PCDH9: variants seen among roughly 807,000 people sequenced by gnomAD.
PCDH9 encodes the protein protocadherin 9.
A neutral mutation model predicts 70.6 loss-of-function variants in PCDH9; 24 were observed. The observed-to-expected ratio is 0.34, with a 90% CI of 0.25 to 0.48. PCDH9 has a LOEUF of 0.48. Ranked by LOEUF, PCDH9 falls within the 20% of genes least tolerant of loss-of-function variation. PCDH9 has a pLI of 0.99. For synonymous variants in PCDH9, 562 were observed against 558.5 expected (o/e 1.01, Z -0.09); for missense variants, 1,281 against 1,503.6 (o/e 0.85, Z 2.45).
intron 3 of PCDH9, among the ~76,000 whole-genome samples, chr13:66,677,968 C>T (rs1291643708): frequency 6.6e-6 from 1 of 152,098 alleles, no homozygotes; most frequent in African/African-American, 2.4e-5. Flanking sequence ...CACATAACTG[C>T]TTGTTATAAA....
At chr13:66,799,999 G>C (rs1477476047) in intron 3 of PCDH9, among the ~76,000 whole-genome samples, 6 of 152,130 alleles carry the variant, frequency 3.9e-5, no homozygotes, top group Admixed American at 2.6e-4. Context: ...TGCTGCCTCA[G>C]AGTATGTTTT....
At chr13:67,088,468 A>G (rs2086153649) in intron 2 of PCDH9, among the ~76,000 whole-genome samples, 2 of 152,064 alleles carry the variant, frequency 1.3e-5, no homozygotes, top group Admixed American at 6.6e-5. Context: ...GATTCTTCCT[A>G]GAAGGTTAAT....
chr13:66,503,466 C>T (rs1343883499), intron 4 of PCDH9, among the ~76,000 whole-genome samples: 1 of 152,162 alleles, frequency 6.6e-6, no homozygotes, highest in African/African-American at 2.4e-5. Context: ...AATAATACTA[C>T]ACAAATACTA....
intron 2 of PCDH9, among the ~76,000 whole-genome samples, chr13:67,157,565 C>T (rs1185301220): frequency 1.3e-5 from 2 of 152,116 alleles, no homozygotes; most frequent in Non-Finnish European, 2.9e-5. Flanking sequence ...ACTGTACTGA[C>T]TCTCACACCC....
intron 3 of PCDH9, among the ~76,000 whole-genome samples, chr13:66,753,083 T>G (rs552423305): frequency 6.6e-6 from 1 of 152,322 alleles, no homozygotes; most frequent in African/African-American, 2.4e-5. Flanking sequence ...ATTTGTAGGT[T>G]TAGTTAGGTA....
chr13:66,641,398 T>A (rs566002080), intron 3 of PCDH9, among the ~76,000 whole-genome samples: 15 of 152,172 alleles, frequency 9.9e-5, no homozygotes, highest in Non-Finnish European at 1.9e-4. Context: ...GGAGGATTAA[T>A]TTGTATGGAG....
At chr13:66,654,866 G>A (rs1255975040) in intron 3 of PCDH9, among the ~76,000 whole-genome samples, 2 of 108,332 alleles carry the variant, frequency 1.8e-5, no homozygotes, top group African/African-American at 6.9e-5. Flanking sequence ...ATGCCACAAT[G>A]CTCAGGTAAT....
At chr13:66,579,744 G>A (rs2076864228) in intron 4 of PCDH9, among the ~76,000 whole-genome samples, 1 of 152,002 alleles carries the variant, frequency 6.6e-6, no homozygotes, top group Non-Finnish European at 1.5e-5. Flanking sequence ...CACACAGTAG[G>A]CTCTTAAATA....
chr13:66,649,450 T>C (rs2138986310), intron 3 of PCDH9, among the ~76,000 whole-genome samples: 1 of 151,944 alleles, frequency 6.6e-6, no homozygotes, highest in East Asian at 1.9e-4. Flanking sequence ...CCTAGAACAG[T>C]ATATCAAACA....
intron 4 of PCDH9, among the ~76,000 whole-genome samples, chr13:66,540,603 C>A (rs1457952046): frequency 6.6e-6 from 1 of 152,074 alleles, no homozygotes; most frequent in African/African-American, 2.4e-5. Context: ...TCAGAAAATG[C>A]CTTGAGAACT....
intron 2 of PCDH9, among the ~76,000 whole-genome samples, chr13:67,119,623 A>G (rs1051738868): frequency 7.2e-5 from 11 of 152,162 alleles, no homozygotes; most frequent in African/African-American, 2.4e-4. Flanking sequence ...GGAAAATGAC[A>G]TAAATTTGTT....
At chr13:66,473,786 G>T (rs1460673491) in intron 4 of PCDH9, among the ~76,000 whole-genome samples, 3 of 152,104 alleles carry the variant, frequency 2.0e-5, no homozygotes, top group African/African-American at 7.2e-5. Context: ...GACTAGTAAA[G>T]CTTCTTTCAT....
intron 2 of PCDH9, among the ~76,000 whole-genome samples, chr13:67,083,025 A>C (rs2086017531): frequency 6.6e-6 from 1 of 152,162 alleles, no homozygotes. Context: ...TTAGATTATG[A>C]AGCTAAAATA....
Position 67,150,359 on chromosome 13 carries a change from A to ACT in PCDH9, c.3036+75045_3036+75046insAG. Among the ~76,000 whole-genome samples the ACT allele has an allele frequency of 2.0e-5, 3 of 152,296 alleles. 1 individual carries two copies. In the South Asian group the frequency reaches 6.2e-4, roughly 32 times the overall value. On this transcript the variant is annotated intron_variant, in intron 2 of 4. Transcript: ENST00000377865. Reference sequence around the variant, plus strand: ...GCCCATAATTTGAGTTTTAATCAATACAAAAAGCCCAAAGTGTTGGTTTCC... The same window carrying ACT: ...GCCCATAATTTGAGTTTTAATCAATACTCAAAAAGCCCAAAGTGTTGGTTTCC...
intron 3 of PCDH9, among the ~76,000 whole-genome samples, chr13:66,659,894 GT>G (rs2077986019): frequency 6.6e-6 from 1 of 152,148 alleles, no homozygotes; most frequent in Non-Finnish European, 1.5e-5. Flanking sequence ...TAACAGCAGA[GT>G]CAAGGATGAC....
At chr13:66,372,172 T>C (rs1158646) in intron 4 of PCDH9, among the ~76,000 whole-genome samples, 64,673 of 151,532 alleles carry the variant, frequency 0.43, 15,687 homozygotes, top group East Asian at 0.62. Context: ...TGCCCTCAAG[T>C]TGTAGTTTGG....
At chr13:67,033,818 G>C (rs2084954951) in intron 2 of PCDH9, among the ~76,000 whole-genome samples, 1 of 152,156 alleles carries the variant, frequency 6.6e-6, no homozygotes, top group Admixed American at 6.6e-5. Context: ...AAGCAAGATA[G>C]TCAACATTCT....
chr13:66,816,805 A>G (rs2080613145), intron 3 of PCDH9, among the ~76,000 whole-genome samples: 1 of 151,958 alleles, frequency 6.6e-6, no homozygotes, highest in Non-Finnish European at 1.5e-5. Context: ...AATATTTTAA[A>G]TCCCCGTGGA....
intron 4 of PCDH9, among the ~76,000 whole-genome samples, chr13:66,581,733 T>A (rs1271920444): frequency 6.6e-6 from 1 of 152,176 alleles, no homozygotes; most frequent in Non-Finnish European, 1.5e-5. Flanking sequence ...TGCCAGGTGC[T>A]GCTGTAAAAA....
Sources: gnomAD v4.1 joint callset for allele counts (sites outside exome capture counted in the v4.1 genomes callset) on GRCh38, gnomAD v4.1.1 for gene constraint, MANE v1.5 for transcripts, NCBI Gene and HGNC (gene_info 2026-07-23, HGNC 2026-07-21) for gene names.